The following MFRP variants were observed in gnomAD, a reference collection of about 807,000 sequenced individuals.
MFRP encodes C1q and TNF related 5.
Under a neutral mutation model 65.8 loss-of-function variants are expected in MFRP, and 74 were observed. The ratio of observed to expected loss-of-function variants is 1.12; its 90% confidence interval spans 0.93 to 1.36. The LOEUF is 1.36. Ranked by LOEUF, MFRP falls within the 40% of genes most tolerant of loss-of-function variation. The probability of loss-of-function intolerance (pLI) is 0.00; values close to 1 mark genes in which losing one functional copy is unlikely to be tolerated. For missense variants in MFRP, 838 were observed against 736.0 expected, an observed-to-expected ratio of 1.14 and a Z score of -1.60; for synonymous variants, 336 against 288.3, an observed-to-expected ratio of 1.17 and a Z score of -1.68.
Position 119,346,471 on chromosome 11 carries a change from C to T in MFRP, c.43G>A (p.Glu15Lys), listed in dbSNP as rs745328912. 1 of 1,614,008 alleles carries T rather than the reference C, an allele frequency of 6.2e-7. No individual in the cohort carries two copies. Among genetic ancestry groups the T allele is most frequent in the African/African-American group, 1.3e-5 (1 of 74,904 alleles). ...TATGTGGTCCTTACCTTGCTCGATTCTGTTGCCTCCATGCAGAGGATGACA... is the reference window on the plus strand; with the variant it reads ...TATGTGGTCCTTACCTTGCTCGATTTTGTTGCCTCCATGCAGAGGATGACA... ...SDVILCMEAT[E>K]SSKTEFCNPA... Residue 15 changes from glutamate (E) to lysine (K), a missense_variant, in exon 1 of 15, where the codon GAA becomes AAA. Glu to Lys is a moderately conservative substitution (Grantham distance 56). Transcript: ENST00000619721.
rs200325731 is a variant in MFRP at position 119,346,334 on chromosome 11, G to A, written c.95C>T (p.Pro32Leu). 1.1e-5 allele frequency: 17 copies of A among 1,614,050 alleles called. No individual in the cohort carries two copies. In the Admixed American group the frequency reaches 2.8e-4, roughly 27 times the overall value. The stretch of plus-strand genomic sequence containing the variant: ...TGGGAAAACTGGGGGAGGGCAGGGT[G>A]GCCCAGACTCAGGCTCGAAGGCAGG... ...CNPAFEPESG[P>L]PCPPPVFPED... is the part of the protein sequence containing the mutation. Residue 32 changes from proline to leucine, a missense_variant, in exon 2 of 15, where the codon CCA becomes CTA. Coordinates refer to ENST00000619721, the MANE Select transcript of MFRP (RefSeq NM_031433.4).
intron 2 of MFRP, 21 bp downstream of exon 2, chr11:119,346,251 G>T (rs1950568168): frequency 6.3e-7 from 1 of 1,597,802 alleles, no homozygotes; most frequent in Non-Finnish European, 8.5e-7. Context: ...CCTCCCCCAG[G>T]TCACCCCCTG....
In MFRP at chr11:119,346,258, C is replaced by A. The variant is rs1223698103; in HGVS notation, c.157+14G>T. Reference sequence around the variant, plus strand: ...CTCTCTGTCCTCCCCCAGGTCACCCCCTGGGATGGTTACCATGCCAGGGAG... The same window carrying A: ...CTCTCTGTCCTCCCCCAGGTCACCCACTGGGATGGTTACCATGCCAGGGAG... On this transcript the variant is annotated intron_variant, in intron 2 of 14. Coordinates refer to ENST00000619721, the MANE Select transcript of MFRP (RefSeq NM_031433.4). The A allele has an allele frequency of 6.2e-7, 1 of 1,605,976 alleles. No homozygotes were observed. The highest frequency in any genetic ancestry group is 8.5e-7 in the Non-Finnish European group (1 of 1,175,878).
chr11:119,343,141 C>T (rs150957434), intron 9 of MFRP, 138 bp from the exon 10 acceptor site: 66 of 1,074,528 alleles, frequency 6.1e-5, no homozygotes, highest in Admixed American at 1.0e-4. Context: ...TAGGGTCTGG[C>T]GAGAAAGACA....
At chr11:119,340,138 G>A in intron 14 of MFRP, 46 bp downstream of exon 14, 1 of 1,494,610 alleles carries the variant, frequency 6.7e-7, no homozygotes, top group East Asian at 2.8e-5. Flanking sequence ...CTGCGGCCGC[G>A]CCTGCTCGGA....
chr11:119,345,581 G>A lies in MFRP; in HGVS notation c.480C>T (p.Tyr160=). The A allele has an allele frequency of 6.2e-7, 1 of 1,613,922 alleles. No homozygotes were observed. Among genetic ancestry groups the A allele is most frequent in the East Asian group, 2.2e-5 (1 of 44,866 alleles). Residue 160 remains tyrosine, a synonymous_variant, in exon 5 of 15, where the codon TAC becomes TAT. Coordinates refer to ENST00000619721, the MANE Select transcript of MFRP (RefSeq NM_031433.4). ...GPRGFFSSPN[Y]PDPYPPNTHC... is the part of the protein sequence containing the mutation. ...GGGTGTTGGGGGGGTAAGGGTCTGG[G>A]TAGTTAGGGCTGCTGAAGAAGCCCC...
chr11:119,344,790 G>A (rs200012326), intron 6 of MFRP, 33 bp from the exon 7 acceptor site: 276 of 1,613,748 alleles, frequency 1.7e-4, no homozygotes, highest in South Asian at 3.5e-4. Context: ...AGGGAGGCCC[G>A]GAGTCTCCAC....
In MFRP at chr11:119,341,305, C is replaced by G; in HGVS notation, c.*243G>C. ...AAGAGGCCTGGATGGGAAGTGGTCT[C>G]GATTGTCCGGTGGCACAGTGTGGGG... On this transcript the variant is annotated 3_prime_UTR_variant, in exon 13 of 15. Transcript: ENST00000619721. 2 of 570,190 alleles carry G rather than the reference C, an allele frequency of 3.5e-6. No individual in the cohort carries two copies. The highest frequency in any genetic ancestry group is 6.3e-6 in the Non-Finnish European group (2 of 319,804). The allele number at this position is 570,190 out of a possible 1,614,324, so 35.3% of individuals were successfully genotyped here.
In MFRP at chr11:119,339,926, T is replaced by C. The variant is rs1950483236; in HGVS notation, c.*1111-78A>G. Reference sequence around the variant, plus strand: ...CGGGGCGGCGACTCTAAGGTCACCGTACCCCTCCCCGCCCCTGCCTGAGCT... The same window carrying C: ...CGGGGCGGCGACTCTAAGGTCACCGCACCCCTCCCCGCCCCTGCCTGAGCT... On this transcript the variant is annotated intron_variant, in intron 14 of 14. Coordinates refer to ENST00000619721, the MANE Select transcript of MFRP (RefSeq NM_031433.4). This position sits in a 1 kb window ranked among gnomAD's most constrained non-coding sequence, Gnocchi z 5.4. 2.1e-6 allele frequency: 3 copies of C among 1,407,770 alleles called. No homozygotes were observed. Among genetic ancestry groups the C allele is most frequent in the Middle Eastern group, 5.2e-4 (2 of 3,830 alleles). 87.2% of individuals were successfully genotyped at this position (1,407,770 alleles called of 1,614,324 possible). A position where few individuals can be genotyped will look rare whatever the true frequency, so the allele number is the denominator to read the frequency against.
chr11:119,344,069 G>A lies in MFRP; in HGVS notation c.976-105C>T. On this transcript the variant is annotated intron_variant, in intron 8 of 14. Coordinates refer to ENST00000619721, the MANE Select transcript of MFRP (RefSeq NM_031433.4). ...CACTGCTGGCTGGGGGGATGGGGTG[G>A]TGCTTTCATCATTGGTGGTTCTTAA... 2 of 1,450,238 alleles carry A rather than the reference G, an allele frequency of 1.4e-6. 1 individual carries two copies. The highest frequency in any genetic ancestry group is 2.3e-5 in the South Asian group (2 of 86,084). 89.8% of individuals were successfully genotyped at this position (1,450,238 alleles called of 1,614,324 possible).
chr11:119,346,230 G>T (rs894094120), intron 2 of MFRP, 42 bp downstream of exon 2: 2 of 1,572,906 alleles, frequency 1.3e-6, no homozygotes, highest in Non-Finnish European at 1.7e-6. Flanking sequence ...TTGGCTCCTG[G>T]GCCTCTCTGT....
chr11:119,346,689 C>CT lies in MFRP; in HGVS notation c.-177dup. 1.5e-6 allele frequency: 1 copy of CT among 679,376 alleles called. No homozygotes were observed. The allele number at this position is 679,376 out of a possible 1,614,324, so 42.1% of individuals were successfully genotyped here. A position where few individuals can be genotyped will look rare whatever the true frequency, so the allele number is the denominator to read the frequency against. On this transcript the variant is annotated 5_prime_UTR_variant, in exon 1 of 15. Coordinates refer to ENST00000619721, the MANE Select transcript of MFRP (RefSeq NM_031433.4). The stretch of plus-strand genomic sequence containing the variant: ...TTGGTAGAGTGGTTTGGCCTATGGG[C>CT]TACTCTGTCTCTGTGTGGGGGAAGG...
Position 119,339,784 on chromosome 11 carries a change from C to A in MFRP, c.*1175G>T. On this transcript the variant is annotated 3_prime_UTR_variant, in exon 15 of 15. Coordinates refer to ENST00000619721, the MANE Select transcript of MFRP (RefSeq NM_031433.4). This position sits in a 1 kb window ranked among gnomAD's most constrained non-coding sequence, Gnocchi z 5.4. ...GAGGCACCGAGCACTCCCCGGCAGG[C>A]CCGGTGGGCCCCGCGGGTCCCGCCT... The A allele has an allele frequency of 6.6e-7, 1 of 1,514,356 alleles. No individual in the cohort carries two copies. Among genetic ancestry groups the A allele is most frequent in the Non-Finnish European group, 8.8e-7 (1 of 1,135,486 alleles). 93.8% of individuals were successfully genotyped at this position (1,514,356 alleles called of 1,614,324 possible). A position where few individuals can be genotyped will look rare whatever the true frequency, so the allele number is the denominator to read the frequency against.
Position 119,344,612 on chromosome 11 carries a change from C to A in MFRP, c.898+20G>T, listed in dbSNP as rs201414699. On this transcript the variant is annotated intron_variant, in intron 7 of 14. Transcript: ENST00000619721. ...CCAGATCAGACGCCTGAAGAGAGGA[C>A]CCCCATGCCTGGCCCGTACCCGAGA... 9.9e-6 allele frequency: 16 copies of A among 1,613,908 alleles called. No homozygotes were observed. Among genetic ancestry groups the A allele is most frequent in the Middle Eastern group, 1.7e-4 (1 of 6,010 alleles).
rs374976891 is a variant in MFRP at position 119,345,400 on chromosome 11, C to T, written c.641+20G>A. The stretch of plus-strand genomic sequence containing the variant: ...GTGGTTCAGGACACGGTGGGATGTC[C>T]TGGGGACAGAGGGACCTACCTGAGG... On this transcript the variant is annotated intron_variant, in intron 5 of 14. Transcript: ENST00000619721. 178 of 1,612,400 alleles carry T rather than the reference C, an allele frequency of 1.1e-4. 2 individuals are homozygous for T. The highest frequency in any genetic ancestry group is 8.1e-4 in the South Asian group (74 of 91,040).
rs1040241545 is a variant in MFRP, at chr11:119,340,235, G to A, written c.*1059C>T. The A allele has an allele frequency of 1.3e-6, 2 of 1,512,958 alleles. No homozygotes were observed. Among genetic ancestry groups the A allele is most frequent in the African/African-American group, 1.5e-5 (1 of 68,682 alleles). The allele number at this position is 1,512,958 out of a possible 1,614,324, so 93.7% of individuals were successfully genotyped here. A position where few individuals can be genotyped will look rare whatever the true frequency, so the allele number is the denominator to read the frequency against. ...CCCGGAGCCCCGGGCGCGCCGTCGC[G>A]GCCGTCGCGGCCATCGCGGCCCGGC... On this transcript the variant is annotated 3_prime_UTR_variant, in exon 14 of 15. Transcript: ENST00000619721.
intron 7 of MFRP, 41 bp from the exon 8 acceptor site, chr11:119,344,432 G>A (rs752323232): frequency 6.3e-6 from 10 of 1,594,882 alleles, no homozygotes; most frequent in African/African-American, 1.3e-5. Context: ...GCTAGGATCT[G>A]TGCCTCCATC....
Position 119,341,924 on chromosome 11 carries a change from G to A in MFRP, c.1448C>T (p.Ala483Val), listed in dbSNP as rs746566563. 6.2e-7 allele frequency: 1 copy of A among 1,614,030 alleles called. No homozygotes were observed. Among genetic ancestry groups the A allele is most frequent in the South Asian group, 1.1e-5 (1 of 91,076 alleles). ...MCLGLSYNTT[A>V]FPNIWVGMIT... is the part of the protein sequence containing the mutation. Reference sequence around the variant, plus strand: ...CATGCCCACCCAGATGTTAGGGAAGGCTGTGGTGTTGTAGCTCAGACCGAG... The same window carrying A: ...CATGCCCACCCAGATGTTAGGGAAGACTGTGGTGTTGTAGCTCAGACCGAG... The change falls in exon 12 of 15, where the codon GCC (alanine) becomes GTC (valine). Residue 483 changes from alanine to valine, a missense_variant. Ala to Val is a moderately conservative substitution (Grantham distance 64). Coordinates refer to ENST00000619721, the MANE Select transcript of MFRP (RefSeq NM_031433.4).
chr11:119,340,265 C>T lies in MFRP; in HGVS notation c.*1029G>A, dbSNP rs1950488484. On this transcript the variant is annotated 3_prime_UTR_variant, in exon 14 of 15. Transcript: ENST00000619721. ...TCGCGGCCATCGCGGCCCGGCAAGC[C>T]CTGGCTGCCATGGTGGCCCGGCGTG... is the stretch of plus-strand genomic sequence containing the variant. The T allele has an allele frequency of 2.0e-6, 3 of 1,526,612 alleles. No homozygotes were observed. The African/African-American group carries it at 4.3e-5, about 22-fold the overall frequency. 94.6% of individuals were successfully genotyped at this position (1,526,612 alleles called of 1,614,324 possible). A position where few individuals can be genotyped will look rare whatever the true frequency, so the allele number is the denominator to read the frequency against.
Sources: gnomAD v4.1 joint callset for allele counts on GRCh38, gnomAD v4.1.1 for gene constraint, Gnocchi (gnomAD v3.1) non-coding constraint, MANE v1.5 for transcripts, NCBI Gene and HGNC (gene_info 2026-07-23, HGNC 2026-07-21) for gene names.